Variants in TRPM3 observed in about 807,000 individuals in gnomAD.
TRPM3 encodes the protein long transient receptor potential channel 3.
TRPM3 carries 77 observed loss-of-function variants against 181.2 expected under a neutral mutation model. The ratio of observed to expected loss-of-function variants is 0.42; its 90% CI spans 0.35 to 0.51. The LOEUF is 0.51. Ranked by LOEUF, TRPM3 falls within the 20% of genes least tolerant of loss-of-function variation. TRPM3 has a pLI of 0.01. For synonymous variants in TRPM3, 745 were observed against 796.4 expected (o/e 0.94, Z 1.09); for missense variants, 1,759 against 2,196.7 (o/e 0.80, Z 3.98).
chr9:70,896,603 T>C (rs1313153822), intron 1 of TRPM3, among the ~76,000 whole-genome samples: 2 of 152,200 alleles, frequency 1.3e-5, no homozygotes, highest in East Asian at 1.9e-4. Context: ...TGTGAACAGA[T>C]AGAGACAATG....
intron 5 of TRPM3, among the ~76,000 whole-genome samples, chr9:70,836,764 C>T (rs1160835791): frequency 6.6e-6 from 1 of 152,134 alleles, no homozygotes; most frequent in African/African-American, 2.4e-5. Context: ...GAATACTCTC[C>T]CATCCACCAT....
intron 6 of TRPM3, chr9:70,793,544 TATAC>T (rs948658706): frequency 1.1e-5 from 5 of 462,760 alleles, no homozygotes; most frequent in African/African-American, 1.0e-4. Flanking sequence ...TACATACATA[TATAC>T]ATACATATAT....
At chr9:70,566,900 C>G (rs2050745045) in intron 22 of TRPM3, among the ~76,000 whole-genome samples, 2 of 152,192 alleles carry the variant, frequency 1.3e-5, no homozygotes, top group South Asian at 4.1e-4. Context: ...ATTGGCCAAA[C>G]AGCAGTCTGC....
At position 70,604,964 on chromosome 9, in the gene TRPM3, C is replaced by CTTTTTTT. The variant is rs5898151; in HGVS notation, c.2668-1501_2668-1495dup. Among the ~76,000 whole-genome samples the CTTTTTTT allele has an allele frequency of 7.4e-4, 96 of 129,936 alleles. 25 individuals carry two copies. The highest frequency in any genetic ancestry group is 1.1e-3 in the Admixed American group (13 of 12,154). 85.2% of individuals were successfully genotyped at this position (129,936 alleles called of 152,430 possible). A position where few individuals can be genotyped will look rare whatever the true frequency, so the allele number is the denominator to read the frequency against. On this transcript the variant is annotated intron_variant, in intron 19 of 25. Transcript: ENST00000677713. ...ACCATGCTCAGCTGAATGGATTCTT[C>CTTTTTTT]TTTTTTTTTGGAGACTGAGTCTCAC...
rs7033976 is a variant in TRPM3, at chr9:70,536,799, C to T, written c.4314G>A (p.Leu1438=). ...CTGGAGTTGAAAAGCTTGGCTCGCCCAGCCCAAGGATGTTCACGGAATTGT... is the reference window on the plus strand; with the variant it reads ...CTGGAGTTGAAAAGCTTGGCTCGCCTAGCCCAAGGATGTTCACGGAATTGT... The part of the protein sequence containing the change: ...PLDNSVNILG[L]GEPSFSTPVP... Residue 1438 remains leucine, a synonymous_variant, in exon 26 of 26, where the codon CTG becomes CTA. Coordinates refer to ENST00000677713, the MANE Select transcript of TRPM3 (RefSeq NM_001366145.2). 0.86 allele frequency: 1,382,087 copies of T among 1,614,024 alleles called. 593,653 individuals carry two copies. Among genetic ancestry groups the T allele is most frequent in the East Asian group, 0.98 (43,851 of 44,844 alleles).
At chr9:70,888,391 G>GTA (rs2096131345) in intron 1 of TRPM3, among the ~76,000 whole-genome samples, 1 of 151,816 alleles carries the variant, frequency 6.6e-6, no homozygotes, top group African/African-American at 2.4e-5. Flanking sequence ...GTGTGTGTGT[G>GTA]TGTGTGTGTG....
intron 6 of TRPM3, among the ~76,000 whole-genome samples, chr9:70,799,085 C>T (rs564731092): frequency 5.7e-4 from 87 of 152,316 alleles, no homozygotes; most frequent in African/African-American, 2.1e-3. Flanking sequence ...TCTCGGTCAC[C>T]AGGGAGAAAA....
chr9:71,079,615 C>T (rs1317188869), intron 1 of TRPM3, among the ~76,000 whole-genome samples: 1 of 152,102 alleles, frequency 6.6e-6, no homozygotes, highest in Non-Finnish European at 1.5e-5. Context: ...GTAAATAGTT[C>T]TTTATTAATA....
chr9:71,028,341 T>C (rs181830518), intron 1 of TRPM3, among the ~76,000 whole-genome samples: 2 of 152,242 alleles, frequency 1.3e-5, no homozygotes, highest in East Asian at 1.9e-4. Flanking sequence ...AAGAAAAGAT[T>C]GTTACCAGCC....
At chr9:70,573,972 T>TCACTCA (rs1554756273) in intron 22 of TRPM3, among the ~76,000 whole-genome samples, 5 of 140,938 alleles carry the variant, frequency 3.5e-5, no homozygotes, top group African/African-American at 1.4e-4. Flanking sequence ...GCAATTCATT[T>TCACTCA]CACACACACA....
intron 1 of TRPM3, among the ~76,000 whole-genome samples, chr9:71,054,851 C>T (rs1008178266): frequency 6.6e-6 from 1 of 152,118 alleles, no homozygotes; most frequent in Admixed American, 6.5e-5. Flanking sequence ...GCCCCTTAAC[C>T]TCTTCAGTCC....
Position 71,236,123 on chromosome 9 carries a change from G to A in TRPM3, c.183+210530C>T, listed in dbSNP as rs540801280. ...ATAACCTACAAAAACCACTGCCAGGGATACGTAAATTAACTGTCTCCATTC... is the reference window on the plus strand; with the variant it reads ...ATAACCTACAAAAACCACTGCCAGGAATACGTAAATTAACTGTCTCCATTC... On this transcript the variant is annotated intron_variant, in intron 1 of 24. Coordinates refer to the TRPM3 transcript ENST00000357533. 5.5e-4 allele frequency among the ~76,000 whole-genome samples: 84 copies of A among 152,258 alleles called. 2 individuals carry two copies. The highest frequency in any genetic ancestry group is 5.5e-3 in the Admixed American group (84 of 15,288).
chr9:71,248,568 T>C (rs1173538089), intron 1 of TRPM3, among the ~76,000 whole-genome samples: 1 of 152,226 alleles, frequency 6.6e-6, no homozygotes, highest in Non-Finnish European at 1.5e-5. Flanking sequence ...TTTTTCCTCA[T>C]ATTTTAATTT....
intron 1 of TRPM3, among the ~76,000 whole-genome samples, chr9:71,101,253 G>C (rs1054741879): frequency 6.6e-6 from 1 of 152,132 alleles, no homozygotes; most frequent in African/African-American, 2.4e-5. Flanking sequence ...CTCTGCTCTT[G>C]AGATGGTTGT....
At position 70,863,075 on chromosome 9, in the gene TRPM3, G is replaced by A; in HGVS notation, c.295C>T (p.Leu99Phe). 1.2e-6 allele frequency: 2 copies of A among 1,613,520 alleles called. No homozygotes were observed. Among genetic ancestry groups the A allele is most frequent in the Non-Finnish European group, 1.7e-6 (2 of 1,179,646 alleles). Residue 99 changes from leucine (L) to phenylalanine (F), a missense_variant, in exon 3 of 26, where the codon CTC (leucine) becomes TTC (phenylalanine). Leu to Phe is a conservative substitution (Grantham distance 22). This residue lies in a region of TRPM3 where 737 missense variants were observed against 957.4 expected (regional missense o/e 0.77). Coordinates refer to ENST00000677713, the MANE Select transcript of TRPM3 (RefSeq NM_001366145.2). The stretch of plus-strand genomic sequence containing the variant: ...TGAAGCACGGAGATACTGGGGGTGA[G>A]GCCAACATGCTGGCCTATCAGACGC... Reference protein sequence around the residue: ...CGRLIGQHVGLTPSISVLQNE... With the variant: ...CGRLIGQHVGFTPSISVLQNE...
intron 8 of TRPM3, among the ~76,000 whole-genome samples, chr9:70,737,728 T>C (rs971076779): frequency 2.6e-5 from 4 of 151,424 alleles, no homozygotes; most frequent in Admixed American, 2.6e-4. Context: ...GCTATTCTTA[T>C]ATCAGACAAA....
chr9:70,793,455 C>CAA (rs71507012), intron 6 of TRPM3: 3,733 of 106,482 alleles, frequency 0.035, 75 homozygotes, highest in South Asian at 0.051. Context: ...GGCTTTGTCT[C>CAA]AAAAAAAAAA....
intron 1 of TRPM3, among the ~76,000 whole-genome samples, chr9:71,014,317 A>G (rs753883597): frequency 6.6e-6 from 1 of 152,120 alleles, no homozygotes; most frequent in Non-Finnish European, 1.5e-5. Context: ...GACCTAACAT[A>G]TAACCTAATA....
intron 1 of TRPM3, among the ~76,000 whole-genome samples, chr9:71,218,909 A>G (rs4745072): frequency 0.68 from 102,927 of 152,058 alleles, 34,959 homozygotes; most frequent in African/African-American, 0.69. Context: ...TACTGGGAAA[A>G]GTAGGTCCAC....
Sources: gnomAD v4.1 joint callset for allele counts (sites outside exome capture counted in the v4.1 genomes callset) on GRCh38, gnomAD v4.1.1 for gene constraint, gnomAD v4.1.1 regional missense constraint, MANE v1.5 for transcripts, NCBI Gene and HGNC (gene_info 2026-07-23, HGNC 2026-07-21) for gene names.